The following NRXN1 variants were observed in gnomAD, a reference collection of about 807,000 sequenced individuals.
NRXN1 encodes neurexin-1.
In NRXN1, 39 loss-of-function variants were observed where a neutral mutation model predicts 150.9. That is an observed-to-expected ratio of 0.26 (90% confidence interval 0.20 to 0.34). The LOEUF (loss-of-function observed/expected upper bound fraction) is 0.34, where lower values mean the gene tolerates loss of function less well. NRXN1 is among the 10% of genes least tolerant of loss of function. The pLI, the probability that NRXN1 is intolerant of heterozygous loss-of-function variation, is 1.00. For synonymous variants in NRXN1, 924 were observed against 757.0 expected, an observed-to-expected ratio of 1.22 and a Z score of -3.62; for missense variants, 1,815 against 1,949.9, an observed-to-expected ratio of 0.93 and a Z score of 1.30.
At chr2:50,091,831 C>T (rs988530751) in intron 18 of NRXN1, among the ~76,000 whole-genome samples, 13 of 152,184 alleles carry the variant, frequency 8.5e-5, no homozygotes, top group African/African-American at 2.9e-4. Flanking sequence ...CCACTCTCCC[C>T]ATTTCACAAG....
chr2:50,509,228 A>C (rs2092360211), intron 12 of NRXN1, among the ~76,000 whole-genome samples: 1 of 152,172 alleles, frequency 6.6e-6, no homozygotes, highest in African/African-American at 2.4e-5. Context: ...AGTTATGAGA[A>C]TCTTTGGCTA....
At position 50,053,561 on chromosome 2, in the gene NRXN1, C is replaced by T. The variant is rs758023224; in HGVS notation, c.3838G>A (p.Ala1280Thr). The T allele has an allele frequency of 6.2e-7, 1 of 1,614,022 alleles. No homozygotes were observed. Among genetic ancestry groups the T allele is most frequent in the South Asian group, 1.1e-5 (1 of 91,086 alleles). The stretch of plus-strand genomic sequence containing the variant: ...TCTTTCCCGCCAATTATTATGGTTG[C>T]TTGGCTATTGAAGATTGTGAGCTGA... The part of the protein sequence containing the change: ...GRQLTIFNSQ[A>T]TIIIGGKEQG... The change falls in exon 21 of 23, where the codon GCA becomes ACA. Residue 1280 changes from alanine to threonine, a missense_variant. Physicochemically the swap from Ala to Thr is moderately conservative, Grantham distance 58 (BLOSUM62 0). This residue lies in a region of NRXN1 where 265 missense variants were observed against 307.1 expected (regional missense o/e 0.86). Coordinates refer to ENST00000401669, the MANE Select transcript of NRXN1 (RefSeq NM_001330078.2).
chr2:49,935,864 T>A (rs1392241249), intron 22 of NRXN1, among the ~76,000 whole-genome samples: 3 of 152,232 alleles, frequency 2.0e-5, no homozygotes, highest in Non-Finnish European at 4.4e-5. Context: ...TAAACTTACC[T>A]TATATTTTTC....
chr2:50,800,550 T>C (rs1476218176), intron 5 of NRXN1, among the ~76,000 whole-genome samples: 3 of 152,120 alleles, frequency 2.0e-5, no homozygotes, highest in South Asian at 4.1e-4. Flanking sequence ...AATAAATTAA[T>C]AATGAATTTT....
At position 50,495,918 on chromosome 2, in the gene NRXN1, G is replaced by A. The variant is rs2091582345; in HGVS notation, c.3057C>T (p.Asn1019=). 1 of 1,604,540 alleles carries A rather than the reference G, an allele frequency of 6.2e-7. No homozygotes were observed. Among genetic ancestry groups the A allele is most frequent in the South Asian group, 1.1e-5 (1 of 89,522 alleles). ...ACATGCACTTACTCTTGAGGTCTAA[G>A]TTCCTGGCTCCGGCGGTGATTTGCG... is the stretch of plus-strand genomic sequence containing the variant. The part of the protein sequence containing the change: ...ITTQITAGAR[N]LDLKSDLYIG... The change falls in exon 15 of 23, where the codon AAC becomes AAT. Residue 1019 remains asparagine, a synonymous_variant. Transcript: ENST00000401669.
In NRXN1 at chr2:50,985,882, T is replaced by C. The variant is rs377118516; in HGVS notation, c.772+41620A>G. 2.6e-5 allele frequency among the ~76,000 whole-genome samples: 4 copies of C among 151,826 alleles called. 1 individual carries two copies. Among genetic ancestry groups the C allele is most frequent in the African/African-American group, 4.8e-5 (2 of 41,542 alleles). ...CTGATAAACATATTTGTCCCATATA[T>C]GACTTACAAAATGTCAATAGCTAGA... On this transcript the variant is annotated intron_variant, in intron 2 of 22. Transcript: ENST00000401669.
intron 2 of NRXN1, among the ~76,000 whole-genome samples, chr2:50,977,374 T>C (rs1696028234): frequency 6.6e-6 from 1 of 151,964 alleles, no homozygotes; most frequent in Admixed American, 6.6e-5. Flanking sequence ...CATAATATTA[T>C]ATACATAATT....
At chr2:50,939,635 G>C (rs1360562685) in intron 2 of NRXN1, among the ~76,000 whole-genome samples, 2 of 151,990 alleles carry the variant, frequency 1.3e-5, no homozygotes, top group African/African-American at 4.8e-5. Context: ...CAGGATTTTG[G>C]TCCAAATAAT....
chr2:49,958,655 G>A (rs1675392259), intron 21 of NRXN1, among the ~76,000 whole-genome samples: 1 of 152,122 alleles, frequency 6.6e-6, no homozygotes, highest in Admixed American at 6.6e-5. Flanking sequence ...AAACAGTTCA[G>A]AAGACAAACT....
intron 5 of NRXN1, among the ~76,000 whole-genome samples, chr2:50,842,471 T>A (rs1421240570): frequency 6.6e-6 from 1 of 152,182 alleles, no homozygotes; most frequent in Non-Finnish European, 1.5e-5. Flanking sequence ...GTACACTCAT[T>A]AAGTTAGCAC....
At chr2:50,361,002 C>T (rs2079149807) in intron 17 of NRXN1, among the ~76,000 whole-genome samples, 1 of 152,274 alleles carries the variant, frequency 6.6e-6, no homozygotes, top group African/African-American at 2.4e-5. Context: ...ACAACCTGCT[C>T]CTGAATGACT....
At chr2:50,508,403 A>C (rs1228327534) in intron 12 of NRXN1, among the ~76,000 whole-genome samples, 3 of 128,688 alleles carry the variant, frequency 2.3e-5, no homozygotes, top group Non-Finnish European at 5.1e-5. Context: ...GTTGAAAGCA[A>C]GTTCCAGGAT....
intron 5 of NRXN1, among the ~76,000 whole-genome samples, chr2:50,760,030 C>T (rs1036618075): frequency 3.3e-5 from 5 of 151,876 alleles, no homozygotes; most frequent in Non-Finnish European, 5.9e-5. Context: ...ATCATAGACT[C>T]AGTTTACACT....
chr2:51,031,665 A>G lies in NRXN1; in HGVS notation c.-922+316T>C, dbSNP rs139885739. Among the ~76,000 whole-genome samples the G allele has an allele frequency of 5.3e-5, 8 of 152,242 alleles. No individual in the cohort carries two copies. In the East Asian group the frequency reaches 1.5e-3, roughly 29 times the overall value. ...TAACGATGGGCACAGTGTGGGGCTG[A>G]TGAGGTAGGGAAGGAAATATATGGA... On this transcript the variant is annotated intron_variant, in intron 1 of 22. Transcript: ENST00000401669.
intron 20 of NRXN1, among the ~76,000 whole-genome samples, chr2:50,054,157 T>C (rs780573422): frequency 6.0e-4 from 91 of 152,142 alleles, no homozygotes; most frequent in Non-Finnish European, 2.1e-4. Flanking sequence ...AAGAAATTCA[T>C]GGTTTACACT....
intron 2 of NRXN1, among the ~76,000 whole-genome samples, chr2:50,947,608 T>C (rs989575087): frequency 3.3e-5 from 5 of 151,994 alleles, no homozygotes; most frequent in African/African-American, 1.2e-4. Context: ...TTAGATTATA[T>C]TCTAACCAGT....
chr2:50,464,939 T>C (rs1454509183), intron 17 of NRXN1, among the ~76,000 whole-genome samples: 1 of 151,866 alleles, frequency 6.6e-6, no homozygotes, highest in Non-Finnish European at 1.5e-5. Context: ...AAAACATAAG[T>C]TGCTAAGATA....
chr2:50,015,678 C>T (rs1257106611), intron 21 of NRXN1, among the ~76,000 whole-genome samples: 1 of 151,956 alleles, frequency 6.6e-6, no homozygotes, highest in Non-Finnish European at 1.5e-5. Flanking sequence ...AACAAGAAAG[C>T]ACTTGCAGGG....
At chr2:50,448,105 G>C (rs114390585) in intron 17 of NRXN1, among the ~76,000 whole-genome samples, 2 of 151,836 alleles carry the variant, frequency 1.3e-5, no homozygotes, top group East Asian at 1.9e-4. Context: ...TACTTTTGAG[G>C]GGAAGGTGAA....
Sources: gnomAD v4.1 joint callset for allele counts (sites outside exome capture counted in the v4.1 genomes callset) on GRCh38, gnomAD v4.1.1 for gene constraint, gnomAD v4.1.1 regional missense constraint, MANE v1.5 for transcripts, NCBI Gene and HGNC (gene_info 2026-07-23, HGNC 2026-07-21) for gene names.